Variants in CAST observed in about 807,000 individuals in gnomAD.
The protein encoded by CAST is MIR583 host.
In CAST, 76 loss-of-function variants were observed where a neutral mutation model predicts 119.6. The observed-to-expected ratio is 0.64, with a 90% CI of 0.53 to 0.77. The LOEUF (loss-of-function observed/expected upper bound fraction) is 0.77. CAST is among the 30% of genes least tolerant of loss of function. The pLI, the probability that CAST is intolerant of heterozygous loss-of-function variation, is 0.00. For missense variants in CAST, 953 were observed against 946.5 expected (o/e 1.01, Z -0.09); for synonymous variants, 319 against 331.6 (o/e 0.96, Z 0.41).
the CAST span, among the ~76,000 whole-genome samples, chr5:96,207,677 T>C: frequency 0.035 from 5,295 of 152,234 alleles, 343 homozygotes; most frequent in African/African-American, 0.12. Flanking sequence ...AGCTTTTTGA[T>C]GTACTGCTGG....
chr5:96,115,474 G>C, the CAST span, among the ~76,000 whole-genome samples: 1 of 152,200 alleles, frequency 6.6e-6, no homozygotes, highest in South Asian at 2.1e-4. Flanking sequence ...AGGCATGGCT[G>C]TTACCTCCAT....
At chr5:96,569,595 T>A (rs1303903012) in intron 1 of CAST, among the ~76,000 whole-genome samples, 2 of 152,174 alleles carry the variant, frequency 1.3e-5, no homozygotes, top group Non-Finnish European at 2.9e-5. Context: ...AATTTCCACA[T>A]CCATCTGCGA....
chr5:96,109,838 T>C, the CAST span, among the ~76,000 whole-genome samples: 17 of 151,994 alleles, frequency 1.1e-4, no homozygotes, highest in Non-Finnish European at 2.9e-5. Context: ...TAATTCTTTA[T>C]AAACTAACGT....
At chr5:96,172,124 G>A in the CAST span, among the ~76,000 whole-genome samples, 1 of 152,248 alleles carries the variant, frequency 6.6e-6, no homozygotes, top group Non-Finnish European at 1.5e-5. Context: ...GGTAGGTAAA[G>A]GAAAATTACA....
chr5:96,676,173 G>A (rs1750687627), intron 2 of CAST, among the ~76,000 whole-genome samples: 1 of 152,088 alleles, frequency 6.6e-6, no homozygotes, highest in Admixed American at 6.5e-5. Context: ...CTTCTCTATG[G>A]AAGGGTCATG....
chr5:96,500,029 A>T, the CAST span, among the ~76,000 whole-genome samples: 2 of 152,138 alleles, frequency 1.3e-5, no homozygotes, highest in Non-Finnish European at 2.9e-5. Context: ...AGCAGTCAGA[A>T]CACCCACAAC....
At chr5:96,317,962 C>T in the CAST span, among the ~76,000 whole-genome samples, 1 of 152,186 alleles carries the variant, frequency 6.6e-6, no homozygotes, top group Non-Finnish European at 1.5e-5. Flanking sequence ...CAAATTTATT[C>T]CCAATCCATA....
At chr5:96,412,291 C>A in the CAST span, 3 of 1,600,168 alleles carry the variant, frequency 1.9e-6, no homozygotes, top group Non-Finnish European at 2.6e-6. Flanking sequence ...GGTTTCATTT[C>A]ATGTGGGTCT....
chr5:96,578,349 T>G (rs73774308), intron 1 of CAST, among the ~76,000 whole-genome samples: 3 of 150,462 alleles, frequency 2.0e-5, no homozygotes, highest in Non-Finnish European at 3.0e-5. Flanking sequence ...GGACCGCATA[T>G]AGTTGAGCAT....
At chr5:96,364,133 A>G in the CAST span, among the ~76,000 whole-genome samples, 2 of 152,172 alleles carry the variant, frequency 1.3e-5, no homozygotes, top group African/African-American at 4.8e-5. Flanking sequence ...GCTGGATTAC[A>G]TTTACTGATT....
At chr5:96,729,566 A>G (rs760595121) in intron 7 of CAST, 46 bp from the exon 8 acceptor site, 4 of 798,166 alleles carry the variant, frequency 5.0e-6, no homozygotes, top group South Asian at 4.2e-5. Flanking sequence ...CCATCTTGTT[A>G]ACAATGTCTT....
chr5:96,069,343 ATGTGTGTATGTATGTGTG>A, the CAST span, among the ~76,000 whole-genome samples: 1 of 143,248 alleles, frequency 7.0e-6, no homozygotes, highest in Non-Finnish European at 1.5e-5. Flanking sequence ...ACTGGAAAGC[ATGTGTGTATGTATGTGTG>A]TGTGTGTGTG....
the CAST span, among the ~76,000 whole-genome samples, chr5:96,301,902 G>T: frequency 1.3e-5 from 2 of 152,146 alleles, no homozygotes; most frequent in African/African-American, 4.8e-5. Context: ...GAGGACAGTG[G>T]CCCTCTTTTC....
the CAST span, among the ~76,000 whole-genome samples, chr5:96,244,197 C>T: frequency 3.3e-5 from 5 of 152,150 alleles, no homozygotes; most frequent in Non-Finnish European, 5.9e-5. Context: ...TTCCTTGTAT[C>T]TTTCCAATAA....
chr5:96,519,339 T>C, the CAST span, among the ~76,000 whole-genome samples: 633 of 152,268 alleles, frequency 4.2e-3, 5 homozygotes, highest in African/African-American at 0.015. Flanking sequence ...ACCAAGCAAA[T>C]ATGCTGCAGC....
chr5:96,321,895 A>G, the CAST span, among the ~76,000 whole-genome samples: 2 of 152,174 alleles, frequency 1.3e-5, no homozygotes, highest in African/African-American at 4.8e-5. Context: ...ATGCTATGGT[A>G]TCTCCCTTCT....
At chr5:96,299,502 AG>A in the CAST span, among the ~76,000 whole-genome samples, 13 of 152,288 alleles carry the variant, frequency 8.5e-5, no homozygotes, top group African/African-American at 2.9e-4. Context: ...TCTTTGGTAA[AG>A]TTGTACTTCT....
intron 1 of CAST, among the ~76,000 whole-genome samples, chr5:96,584,106 G>A (rs1032388556): frequency 6.6e-6 from 1 of 152,196 alleles, no homozygotes; most frequent in African/African-American, 2.4e-5. Flanking sequence ...TTTTGTGGAA[G>A]ACAATTTTTC....
At chr5:96,455,669 C>T in the CAST span, among the ~76,000 whole-genome samples, 6 of 152,306 alleles carry the variant, frequency 3.9e-5, no homozygotes, top group Admixed American at 3.3e-4. Context: ...TCAGTCCTGC[C>T]GTTCCCTCAG....
Sources: gnomAD v4.1 joint callset for allele counts (sites outside exome capture counted in the v4.1 genomes callset) on GRCh38, gnomAD v4.1.1 for gene constraint, MANE v1.5 for transcripts, NCBI Gene and HGNC (gene_info 2026-07-23, HGNC 2026-07-21) for gene names.